Variants in STS observed in about 807,000 individuals in gnomAD.
STS encodes steroid sulfatase, also known as steryl-sulfatase.
STS carries 7 observed loss-of-function variants against 26.8 expected under a neutral mutation model. That is an observed-to-expected ratio of 0.26 (90% CI 0.15 to 0.49). The LOEUF (loss-of-function observed/expected upper bound fraction) is 0.49. STS is among the 20% of genes least tolerant of loss of function. The pLI, the probability that STS is intolerant of heterozygous loss-of-function variation, is 0.98. For synonymous variants in STS, 199 were observed against 189.4 expected, an observed-to-expected ratio of 1.05 and a Z score of -0.42; for missense variants, 434 against 465.6, an observed-to-expected ratio of 0.93 and a Z score of 0.63.
At chrX:7,222,219 G>A (rs193012698) in intron 2 of STS, among the ~76,000 whole-genome samples, 4 of 111,878 alleles carry the variant, frequency 3.6e-5, no homozygotes, top group African/African-American at 1.3e-4. Context: ...AAGCCACTTC[G>A]TCTATCGTAC....
At chrX:7,342,893 T>G (rs1392154382) in intron 10 of STS, among the ~76,000 whole-genome samples, 4 of 111,451 alleles carry the variant, frequency 3.6e-5, no homozygotes. Flanking sequence ...TGGATGAGAC[T>G]AGGGTAATGT....
intron 7 of STS, among the ~76,000 whole-genome samples, chrX:7,284,432 TGTGGCACACATCCCA>T (rs1265216703): frequency 9.0e-6 from 1 of 111,409 alleles, no homozygotes; most frequent in Non-Finnish European, 1.9e-5. Flanking sequence ...TCTTCATAGC[TGTGGCACACATCCCA>T]GTGGGATGTG....
chrX:7,193,840 T>G (rs1347768201), intron 2 of STS, among the ~76,000 whole-genome samples: 1 of 111,727 alleles, frequency 9.0e-6, no homozygotes, highest in Admixed American at 9.5e-5. Flanking sequence ...AGGAGAACAC[T>G]TATATTGTCT....
intron 2 of STS, among the ~76,000 whole-genome samples, chrX:7,237,884 T>G (rs1482341519): frequency 1.8e-5 from 2 of 111,617 alleles, no homozygotes; most frequent in African/African-American, 6.5e-5. Flanking sequence ...CCACTCTGTC[T>G]GTCTGTGTGT....
intron 1 of STS, among the ~76,000 whole-genome samples, chrX:7,173,247 T>C (rs960333772): frequency 8.9e-6 from 1 of 111,762 alleles, no homozygotes; most frequent in Non-Finnish European, 1.9e-5. Flanking sequence ...CTCTCATCCA[T>C]GTCCCTGCAA....
At chrX:7,198,186 T>C (rs948204948) in intron 2 of STS, among the ~76,000 whole-genome samples, 6 of 111,094 alleles carry the variant, frequency 5.4e-5, no homozygotes, top group Non-Finnish European at 1.1e-4. Context: ...CAAATCACGC[T>C]CTCTGTGCAT....
chrX:7,263,570 G>A (rs1476949368), intron 6 of STS, among the ~76,000 whole-genome samples: 1 of 112,235 alleles, frequency 8.9e-6, no homozygotes, highest in African/African-American at 3.2e-5. Flanking sequence ...TTGTGTAAGT[G>A]CACTGTACGA....
At chrX:7,287,431 C>T (rs1298005728) in intron 7 of STS, among the ~76,000 whole-genome samples, 2 of 110,806 alleles carry the variant, frequency 1.8e-5, no homozygotes, top group African/African-American at 6.6e-5. Flanking sequence ...TAATAGTTTG[C>T]TGGATAGATT....
At chrX:7,169,328 C>G (rs747149197) in intron 1 of STS, among the ~76,000 whole-genome samples, 123 of 112,454 alleles carry the variant, frequency 1.1e-3, no homozygotes, top group African/African-American at 3.6e-3. Context: ...TTTCTCTTCT[C>G]TCTTCTTTTA....
At chrX:7,322,325 C>G (rs1376027731) in intron 8 of STS, among the ~76,000 whole-genome samples, 1 of 111,927 alleles carries the variant, frequency 8.9e-6, no homozygotes, top group East Asian at 2.8e-4. Context: ...ATGTGTCTCT[C>G]AGTTCATCTT....
At chrX:7,330,086 T>C (rs758072699) in intron 9 of STS, among the ~76,000 whole-genome samples, 1 of 111,714 alleles carries the variant, frequency 9.0e-6, no homozygotes, top group South Asian at 3.8e-4. Flanking sequence ...AATTTCAGTG[T>C]CCATCACCCT....
intron 2 of STS, among the ~76,000 whole-genome samples, chrX:7,205,101 G>T (rs1004211277): frequency 1.8e-5 from 2 of 111,657 alleles, no homozygotes; most frequent in South Asian, 7.4e-4. Context: ...AACGGAAGAA[G>T]AAATATAAGA....
At chrX:7,349,315 CCTTTTTTT>C (rs1354484240) in intron 10 of STS, among the ~76,000 whole-genome samples, 400 of 20,273 alleles carry the variant, frequency 0.02, 72 homozygotes, top group African/African-American at 0.029. Context: ...TCATTTAATT[CCTTTTTTT>C]TTTTTTTTTT....
At chrX:7,199,555 G>A (rs1284561634) in intron 2 of STS, among the ~76,000 whole-genome samples, 1 of 111,224 alleles carries the variant, frequency 9.0e-6, no homozygotes, top group Non-Finnish European at 1.9e-5. Flanking sequence ...GTTTCTGGGA[G>A]TCCTTAGGGT....
chrX:7,319,462 C>A (rs1926861169), intron 8 of STS, among the ~76,000 whole-genome samples: 1 of 110,573 alleles, frequency 9.0e-6, no homozygotes, highest in Admixed American at 9.7e-5. Flanking sequence ...CACCCAGCCA[C>A]TATCTGCTGT....
chrX:7,190,559 G>C (rs1268604931), intron 1 of STS, among the ~76,000 whole-genome samples: 1 of 110,659 alleles, frequency 9.0e-6, no homozygotes, highest in Non-Finnish European at 1.9e-5. Context: ...CTGAGGCTCT[G>C]TTTAGCCCAG....
At chrX:7,147,632 G>A (rs1156282858), upstream of STS, among the ~76,000 whole-genome samples, 6 of 112,286 alleles carry the variant, frequency 5.3e-5, no homozygotes, top group African/African-American at 1.9e-4. Context: ...CTTTGCAGAC[G>A]GGGAAGCTGA....
chrX:7,215,011 T>TATATATATATTATATATGTATATATATA (rs1491420997), intron 2 of STS, among the ~76,000 whole-genome samples: 1 of 15,716 alleles, frequency 6.4e-5, no homozygotes, highest in African/African-American at 2.1e-4. Flanking sequence ...CATATATACG[T>TATATATATATTATATATGTATATATATA]ATATATATAT....
At chrX:7,149,917 A>G (rs1341017331) in intron 1 of STS, among the ~76,000 whole-genome samples, 1 of 112,173 alleles carries the variant, frequency 8.9e-6, no homozygotes, top group East Asian at 2.8e-4. Context: ...TTTTAATTTG[A>G]TTACCTCTGA....
Sources: allele counts gnomAD v4.1 joint callset (sites outside exome capture counted in the v4.1 genomes callset), GRCh38; gene constraint gnomAD v4.1.1; transcripts MANE v1.5; gene names NCBI Gene and HGNC (gene_info 2026-07-23, HGNC 2026-07-21).